The following RANBP2 variants were observed in gnomAD, a reference collection of about 807,000 sequenced individuals.
RANBP2 encodes the protein RAN binding protein 2, also known as E3 SUMO-protein ligase RanBP2.
Under a neutral mutation model 303.6 loss-of-function variants are expected in RANBP2, and 57 were observed. The ratio of observed to expected loss-of-function variants is 0.19; its 90% confidence interval spans 0.15 to 0.23. RANBP2 has a LOEUF of 0.23. Ranked by LOEUF, RANBP2 falls within the 10% of genes least tolerant of loss-of-function variation. RANBP2 has a pLI of 1.00. For synonymous variants in RANBP2, 1,167 were observed against 1,301.5 expected, an observed-to-expected ratio of 0.90 and a Z score of 2.23; for missense variants, 3,138 against 3,780.8, an observed-to-expected ratio of 0.83 and a Z score of 4.46.
chr2:109,023,764 G>A, the RANBP2 span, among the ~76,000 whole-genome samples: 1 of 152,104 alleles, frequency 6.6e-6, no homozygotes, highest in Non-Finnish European at 1.5e-5. Flanking sequence ...AGCCTTGTTT[G>A]CCCTATCGCT....
At chr2:108,839,129 TA>T in the RANBP2 span, 1 of 1,504,258 alleles carries the variant, frequency 6.6e-7, no homozygotes, top group Non-Finnish European at 8.9e-7. Flanking sequence ...GTAATTGATT[TA>T]AGACATTTAA....
the RANBP2 span, among the ~76,000 whole-genome samples, chr2:109,330,357 CT>C: frequency 4.6e-3 from 687 of 150,450 alleles, 2 homozygotes; most frequent in Non-Finnish European, 6.7e-3. Context: ...TCTCTTCCTT[CT>C]TTTTTTTTTC....
chr2:109,584,989 A>AC, the RANBP2 span: 1 of 431,512 alleles, frequency 2.3e-6, no homozygotes, highest in East Asian at 3.6e-5. Context: ...TTGTTTAATT[A>AC]TTTTATTTTT....
chr2:109,318,898 G>T, the RANBP2 span, among the ~76,000 whole-genome samples: 2 of 152,252 alleles, frequency 1.3e-5, no homozygotes, highest in Non-Finnish European at 2.9e-5. Flanking sequence ...CTTGCCTCTG[G>T]TAGGTGAGCC....
the RANBP2 span, chr2:108,839,198 T>C: frequency 1.1e-5 from 18 of 1,609,244 alleles, no homozygotes; most frequent in Non-Finnish European, 1.5e-5. Flanking sequence ...TTGCCTCTAA[T>C]GACAGAGCAG....
At chr2:109,561,235 C>T in the RANBP2 span, among the ~76,000 whole-genome samples, 3 of 152,136 alleles carry the variant, frequency 2.0e-5, no homozygotes, top group Non-Finnish European at 4.4e-5. Flanking sequence ...TCTCCATCTT[C>T]AGCCCTTTGT....
At chr2:109,570,880 A>G in the RANBP2 span, among the ~76,000 whole-genome samples, 5 of 152,194 alleles carry the variant, frequency 3.3e-5, no homozygotes, top group African/African-American at 7.2e-5. Context: ...CAAGGATACA[A>G]GTAGGTTATA....
chr2:109,081,667 C>T, the RANBP2 span, among the ~76,000 whole-genome samples: 1 of 152,188 alleles, frequency 6.6e-6, no homozygotes, highest in Non-Finnish European at 1.5e-5. Flanking sequence ...ATCCTGGTAA[C>T]CTTGCCCATC....
the RANBP2 span, among the ~76,000 whole-genome samples, chr2:108,913,171 G>A: frequency 6.6e-6 from 1 of 152,092 alleles, no homozygotes; most frequent in Non-Finnish European, 1.5e-5. Flanking sequence ...GGATGGGCTC[G>A]ATCTCCTGAC....
intron 7 of RANBP2, among the ~76,000 whole-genome samples, chr2:108,741,476 G>A (rs913775512): frequency 5.7e-5 from 8 of 141,088 alleles, no homozygotes; most frequent in South Asian, 2.3e-4. Flanking sequence ...GATTACAGGC[G>A]CAAGCCACTG....
chr2:109,536,496 T>C, the RANBP2 span, among the ~76,000 whole-genome samples: 3 of 152,238 alleles, frequency 2.0e-5, no homozygotes, highest in Non-Finnish European at 4.4e-5. Context: ...ACCCAATACC[T>C]GTACCCCCGC....
the RANBP2 span, among the ~76,000 whole-genome samples, chr2:109,268,743 A>AT: frequency 6.6e-5 from 1 of 15,140 alleles, no homozygotes; most frequent in Non-Finnish European, 1.2e-4. Flanking sequence ...ACTTTATTAT[A>AT]AAAAAAAAAA....
chr2:108,900,565 A>AT, the RANBP2 span, among the ~76,000 whole-genome samples: 22 of 74,898 alleles, frequency 2.9e-4, no homozygotes, highest in Admixed American at 2.6e-3. Context: ...AAAAAGAAAA[A>AT]AAAAAAAACA....
the RANBP2 span, among the ~76,000 whole-genome samples, chr2:109,079,152 CCCT>C: frequency 8.6e-5 from 13 of 151,692 alleles, no homozygotes; most frequent in African/African-American, 2.2e-4. Flanking sequence ...CAAGGCCAAC[CCCT>C]CCTCCTCCTC....
the RANBP2 span, among the ~76,000 whole-genome samples, chr2:109,171,370 C>T: frequency 6.6e-6 from 1 of 152,290 alleles, no homozygotes; most frequent in African/African-American, 2.4e-5. Flanking sequence ...AAAATGATGG[C>T]TATTTGTTGT....
At chr2:108,906,400 A>G in the RANBP2 span, 2 of 1,613,052 alleles carry the variant, frequency 1.2e-6, no homozygotes, top group South Asian at 1.1e-5. Context: ...TTTCATCTCC[A>G]GAAAGGGGCA....
the RANBP2 span, among the ~76,000 whole-genome samples, chr2:109,123,319 T>TTTCCTTCCTTCC: frequency 2.5e-3 from 325 of 130,044 alleles, 2 homozygotes; most frequent in Middle Eastern, 0.014. Context: ...CTTTTCTTTC[T>TTTCCTTCCTTCC]TTCCTTCCTT....
At chr2:108,843,661 A>T in the RANBP2 span, among the ~76,000 whole-genome samples, 1 of 151,922 alleles carries the variant, frequency 6.6e-6, no homozygotes. Context: ...TTCCCCATAT[A>T]TGTAAGGTGT....
rs768789460 is a variant in RANBP2 at position 108,763,256 on chromosome 2, A to G, written c.2717A>G (p.Asn906Ser). The G allele has an allele frequency of 1.3e-5, 21 of 1,613,600 alleles. No individual in the cohort carries two copies. The highest frequency in any genetic ancestry group is 1.6e-5 in the Non-Finnish European group (19 of 1,179,930). ...TPTKGPVYGM[N>S]RLPPQQHIYA... Reference sequence around the variant, plus strand: ...TTTTAGGGCCCAGTCTATGGCATGAATAGGCTTCCACCCCAACAGCATATT... The same window carrying G: ...TTTTAGGGCCCAGTCTATGGCATGAGTAGGCTTCCACCCCAACAGCATATT... Residue 906 changes from asparagine to serine, a missense_variant, in exon 20 of 29, where the codon AAT (asparagine) becomes AGT (serine). Physicochemically the swap from Asn to Ser is conservative, Grantham distance 46 (BLOSUM62 1). Coordinates refer to ENST00000283195, the MANE Select transcript of RANBP2 (RefSeq NM_006267.5).
Sources: allele counts gnomAD v4.1 joint callset (sites outside exome capture counted in the v4.1 genomes callset), GRCh38; gene constraint gnomAD v4.1.1; transcripts MANE v1.5; gene names NCBI Gene and HGNC (gene_info 2026-07-23, HGNC 2026-07-21).